Variants in KLHL1 observed in about 807,000 individuals in gnomAD.
KLHL1 encodes the protein kelch like family member 1.
In KLHL1, 47 loss-of-function variants were observed where a neutral mutation model predicts 77.7. The ratio of observed to expected loss-of-function variants is 0.60; its 90% CI spans 0.48 to 0.77. The LOEUF is 0.77. Ranked by LOEUF, KLHL1 falls within the 30% of genes least tolerant of loss-of-function variation. The pLI, the probability that KLHL1 is intolerant of heterozygous loss-of-function variation, is 0.00. For missense variants in KLHL1, 925 were observed against 910.8 expected (o/e 1.02, Z -0.20); for synonymous variants, 360 against 325.2 (o/e 1.11, Z -1.15).
intron 7 of KLHL1, among the ~76,000 whole-genome samples, chr13:69,791,608 T>C (rs761526483): frequency 1.8e-4 from 27 of 152,120 alleles, no homozygotes; most frequent in Non-Finnish European, 3.8e-4. Context: ...GTAATAGAAT[T>C]GAAAAATACA....
intron 6 of KLHL1, among the ~76,000 whole-genome samples, chr13:69,809,290 A>G (rs369941459): frequency 6.4e-4 from 98 of 152,308 alleles, no homozygotes; most frequent in African/African-American, 2.2e-3. Flanking sequence ...AGAAAAAAAT[A>G]TTGAAGGCAA....
At chr13:69,808,352 T>G (rs1477363459) in intron 6 of KLHL1, among the ~76,000 whole-genome samples, 1 of 152,114 alleles carries the variant, frequency 6.6e-6, no homozygotes, top group Non-Finnish European at 1.5e-5. Flanking sequence ...GACCACCTAG[T>G]AGACTGCAGC....
intron 7 of KLHL1, among the ~76,000 whole-genome samples, chr13:69,786,207 AAG>A (rs779993009): frequency 6.6e-5 from 10 of 152,202 alleles, no homozygotes; most frequent in Admixed American, 2.6e-4. Flanking sequence ...ACAATCAAAA[AAG>A]AGAATTTTAG....
chr13:69,868,573 T>C (rs1880459823), intron 5 of KLHL1, among the ~76,000 whole-genome samples: 3 of 152,126 alleles, frequency 2.0e-5, no homozygotes. Flanking sequence ...GGCCTTGTGG[T>C]TTAAATAATC....
chr13:69,932,492 T>C (rs1427766139), intron 4 of KLHL1, among the ~76,000 whole-genome samples: 1 of 151,922 alleles, frequency 6.6e-6, no homozygotes, highest in East Asian at 1.9e-4. Flanking sequence ...TCTTAAATGA[T>C]TGAAATCATT....
intron 3 of KLHL1, among the ~76,000 whole-genome samples, chr13:69,954,642 G>T (rs970325984): frequency 3.3e-5 from 5 of 151,192 alleles, no homozygotes; most frequent in African/African-American, 1.2e-4. Flanking sequence ...TATTTCTTTT[G>T]CAGTCTCTCT....
At chr13:69,902,739 A>G (rs113464071) in intron 4 of KLHL1, among the ~76,000 whole-genome samples, 11 of 120,350 alleles carry the variant, frequency 9.1e-5, no homozygotes, top group African/African-American at 3.4e-4. Flanking sequence ...GGAACATCAC[A>G]TATCGGGGTC....
At chr13:69,751,345 A>G (rs1874470845) in intron 7 of KLHL1, among the ~76,000 whole-genome samples, 1 of 152,066 alleles carries the variant, frequency 6.6e-6, no homozygotes, top group African/African-American at 2.4e-5. Context: ...CAGAACGCGT[A>G]CAGGTGGATA....
chr13:69,869,305 A>G (rs143956507), intron 5 of KLHL1, among the ~76,000 whole-genome samples: 5 of 152,246 alleles, frequency 3.3e-5, no homozygotes, highest in African/African-American at 9.6e-5. Flanking sequence ...GTATTAAATT[A>G]GAAATTTTGA....
chr13:70,034,416 A>G (rs951687965), intron 1 of KLHL1, among the ~76,000 whole-genome samples: 1 of 152,164 alleles, frequency 6.6e-6, no homozygotes, highest in Non-Finnish European at 1.5e-5. Flanking sequence ...TGGGATCTCC[A>G]TCTGTCTGCT....
chr13:69,742,942 A>AG (rs1457896097), intron 7 of KLHL1, among the ~76,000 whole-genome samples: 5 of 152,186 alleles, frequency 3.3e-5, no homozygotes, highest in Non-Finnish European at 7.4e-5. Context: ...AGAGAAGTAT[A>AG]GGTAGATATT....
chr13:69,919,387 C>A (rs1882557260), intron 4 of KLHL1, among the ~76,000 whole-genome samples: 3 of 152,062 alleles, frequency 2.0e-5, no homozygotes, highest in Non-Finnish European at 2.9e-5. Context: ...TTTTTCTTTA[C>A]TGGATCCTTT....
At chr13:69,845,482 G>A (rs1879423238) in intron 5 of KLHL1, among the ~76,000 whole-genome samples, 1 of 151,572 alleles carries the variant, frequency 6.6e-6, no homozygotes, top group African/African-American at 2.4e-5. Context: ...AAATTTAGCA[G>A]AAATAAAAGT....
rs113494699 is a variant in KLHL1 at position 69,789,618 on chromosome 13, A to AT, written c.1639+7119dup. 1.4e-4 allele frequency among the ~76,000 whole-genome samples: 22 copies of AT among 152,030 alleles called. 1 individual carries two copies. Among genetic ancestry groups the AT allele is most frequent in the African/African-American group, 4.1e-4 (17 of 41,472 alleles). On this transcript the variant is annotated intron_variant, in intron 7 of 10. Transcript: ENST00000377844. ...CCAATAGTAGAATGAACAAATGACC[A>AT]TTTTTTTTCCTCTACTGTCCTACTA...
chr13:69,723,042 G>A (rs569757474), intron 8 of KLHL1, among the ~76,000 whole-genome samples: 11 of 152,064 alleles, frequency 7.2e-5, no homozygotes, highest in African/African-American at 2.4e-4. Flanking sequence ...TGAGCCTGAA[G>A]GACATTATAT....
In KLHL1 at chr13:70,107,627, G is replaced by A. The variant is rs749307923; in HGVS notation, c.73C>T (p.Pro25Ser). 7 of 1,574,880 alleles carry A rather than the reference G, an allele frequency of 4.4e-6. No individual in the cohort carries two copies. The highest frequency in any genetic ancestry group is 6.0e-6 in the Non-Finnish European group (7 of 1,163,194). ...GCCGGGCCGCCGGTGGAAGGAGACG[G>A]GTGGCTGAAGAGTTTCCAGCGGAGT... ...LRLRWKLFSHPSPSTGGPAGG... is the reference protein window; with the variant it reads ...LRLRWKLFSHSSPSTGGPAGG... Residue 25 changes from proline to serine, a missense_variant, in exon 1 of 11, where the codon CCG (proline) becomes TCG (serine). Transcript: ENST00000377844.
chr13:69,744,680 AT>A (rs1000860794), intron 7 of KLHL1, among the ~76,000 whole-genome samples: 3 of 151,598 alleles, frequency 2.0e-5, no homozygotes, highest in Admixed American at 1.3e-4. Flanking sequence ...AGCTAACCGT[AT>A]TTTTTTCAGT....
At chr13:69,919,354 A>G (rs1882555802) in intron 4 of KLHL1, among the ~76,000 whole-genome samples, 1 of 152,034 alleles carries the variant, frequency 6.6e-6, no homozygotes, top group Non-Finnish European at 1.5e-5. Context: ...TCTGGGACTG[A>G]TATGTATTAG....
chr13:69,923,442 T>G (rs1039977288), intron 4 of KLHL1, among the ~76,000 whole-genome samples: 2 of 152,148 alleles, frequency 1.3e-5, no homozygotes, highest in Non-Finnish European at 2.9e-5. Flanking sequence ...TTCTTGAAAT[T>G]GCAGGGAAAG....
Sources: gnomAD v4.1 joint callset for allele counts (sites outside exome capture counted in the v4.1 genomes callset) on GRCh38, gnomAD v4.1.1 for gene constraint, MANE v1.5 for transcripts, NCBI Gene and HGNC (gene_info 2026-07-23, HGNC 2026-07-21) for gene names.